Variants in HTT observed in about 807,000 individuals in gnomAD.
HTT encodes the protein huntingtin.
In HTT, 104 loss-of-function variants were observed where a neutral mutation model predicts 362.3. The ratio of observed to expected loss-of-function variants is 0.29; its 90% confidence interval spans 0.24 to 0.34. The LOEUF (loss-of-function observed/expected upper bound fraction) is 0.34. Among genes scored for constraint, HTT ranks in the 10% least tolerant of loss-of-function variants. HTT has a pLI of 1.00. For synonymous variants in HTT, 1,577 were observed against 1,548.7 expected (o/e 1.02, Z -0.43); for missense variants, 3,301 against 3,928.6 (o/e 0.84, Z 4.27).
At chr4:3,081,833 A>G (rs1171871979) in intron 1 of HTT, among the ~76,000 whole-genome samples, 1 of 150,972 alleles carries the variant, frequency 6.6e-6, no homozygotes, top group Non-Finnish European at 1.5e-5. Context: ...CTGGGATTAC[A>G]GGGTGTGAGC....
Position 3,207,002 on chromosome 4 carries a change from C to G in HTT, c.6075+19C>G, listed in dbSNP as rs1719887880. On this transcript the variant is annotated intron_variant, in intron 44 of 66. Transcript: ENST00000355072. ...TTTACAGGTATTGGGAAGAGAAACCCTGATATTGATTTATATTGAAAATTT... is the reference window on the plus strand; with the variant it reads ...TTTACAGGTATTGGGAAGAGAAACCGTGATATTGATTTATATTGAAAATTT... 2 of 1,589,782 alleles carry G rather than the reference C, an allele frequency of 1.3e-6. No homozygotes were observed. The highest frequency in any genetic ancestry group is 1.7e-6 in the Non-Finnish European group (2 of 1,168,754).
chr4:3,091,270 G>T (rs1713493305), intron 2 of HTT, among the ~76,000 whole-genome samples: 1 of 152,280 alleles, frequency 6.6e-6, no homozygotes, highest in South Asian at 2.1e-4. Context: ...TAACATATAT[G>T]TATTAGGGAA....
intron 6 of HTT, among the ~76,000 whole-genome samples, chr4:3,113,523 T>A (rs1264131213): frequency 6.6e-6 from 1 of 152,092 alleles, no homozygotes; most frequent in Non-Finnish European, 1.5e-5. Context: ...AGAGACGGGG[T>A]TTCACCATGT....
intron 46 of HTT, 149 bp downstream of exon 46, chr4:3,209,060 G>A (rs1720009659): frequency 3.4e-6 from 3 of 871,196 alleles, no homozygotes; most frequent in Non-Finnish European, 5.1e-6. Context: ...TAGAGACGTG[G>A]GGGGCCATCA....
intron 27 of HTT, 120 bp downstream of exon 27, chr4:3,154,539 G>A: frequency 7.5e-7 from 1 of 1,331,458 alleles, no homozygotes; most frequent in Non-Finnish European, 1.0e-6. Context: ...TAAAGTGAGA[G>A]AAAGTTTCTC....
chr4:3,188,617 T>G (rs1448429548), intron 39 of HTT: 2 of 202,268 alleles, frequency 9.9e-6, no homozygotes, highest in African/African-American at 4.7e-5. Context: ...AGGCAGCCCA[T>G]GGCTTTCCCT....
At chr4:3,135,371 A>G (rs1716014150) in intron 19 of HTT, among the ~76,000 whole-genome samples, 1 of 149,392 alleles carries the variant, frequency 6.7e-6, no homozygotes, top group Admixed American at 6.7e-5. Context: ...ATTTTCTAAG[A>G]GTAGTTTTGG....
chr4:3,176,128 C>T (rs949389578), intron 33 of HTT, among the ~76,000 whole-genome samples: 9 of 150,600 alleles, frequency 6.0e-5, no homozygotes, highest in African/African-American at 1.5e-4. Context: ...CAGAGGTTCA[C>T]GCCATTCTCC....
intron 2 of HTT, among the ~76,000 whole-genome samples, chr4:3,098,358 A>G (rs568095467): frequency 2.6e-4 from 39 of 152,356 alleles, no homozygotes; most frequent in African/African-American, 8.9e-4. Flanking sequence ...ACCTAGAGAT[A>G]AAGAGAAAGA....
intron 61 of HTT, 67 bp from the exon 62 acceptor site, chr4:3,235,217 C>T (rs1721465690): frequency 4.5e-6 from 5 of 1,122,326 alleles, no homozygotes; most frequent in Non-Finnish European, 6.7e-6. Context: ...TGGGGCCGGA[C>T]ATGCTGTGAA....
chr4:3,238,107 C>T (rs919571673), intron 64 of HTT, among the ~76,000 whole-genome samples: 1 of 149,978 alleles, frequency 6.7e-6, no homozygotes, highest in African/African-American at 2.5e-5. Context: ...GTTCTGGTCC[C>T]TACAGGGCGT....
At chr4:3,144,843 G>A (rs184355714) in intron 23 of HTT, among the ~76,000 whole-genome samples, 1 of 152,190 alleles carries the variant, frequency 6.6e-6, no homozygotes, top group Non-Finnish European at 1.5e-5. Flanking sequence ...GAGACGATGT[G>A]GTAAGCTGGA....
chr4:3,212,375 G>C (rs1466813591), intron 48 of HTT, among the ~76,000 whole-genome samples, 189 bp from the exon 49 acceptor site: 1 of 152,226 alleles, frequency 6.6e-6, no homozygotes, highest in Non-Finnish European at 1.5e-5. Flanking sequence ...CTTGAGGAAG[G>C]CTGGGCCAGA....
At position 3,088,413 on chromosome 4, in the gene HTT, A is replaced by ATCTG. The variant is rs1244557416; in HGVS notation, c.347+1391_347+1392insTCTG. Among the ~76,000 whole-genome samples the ATCTG allele has an allele frequency of 6.7e-5, 10 of 150,008 alleles. No homozygotes were observed. In the East Asian group the frequency reaches 7.9e-4, roughly 12 times the overall value. On this transcript the variant is annotated intron_variant, in intron 2 of 66. Coordinates refer to ENST00000355072, the MANE Select transcript of HTT (RefSeq NM_001388492.1). ...GTGGTCTTGATCTCCTGACCTCATGACCCGCTCAACTCAGCCTCCCAAAGT... is the reference window on the plus strand; with the variant it reads ...GTGGTCTTGATCTCCTGACCTCATGATCTGCCCGCTCAACTCAGCCTCCCAAAGT...
intron 61 of HTT, among the ~76,000 whole-genome samples, chr4:3,234,905 T>C (rs2530596): frequency 0.33 from 50,624 of 152,020 alleles, 10,074 homozygotes; most frequent in East Asian, 0.44. Flanking sequence ...CATGATGGCA[T>C]GTGCCATGAA....
rs766044205 is a variant in HTT, at chr4:3,178,286, T to G, written c.4464-12T>G. On this transcript the variant is annotated splice_polypyrimidine_tract_variant and intron_variant, in intron 34 of 66. Coordinates refer to ENST00000355072, the MANE Select transcript of HTT (RefSeq NM_001388492.1). ...TTAAAAGAAAGGTCTAAATGGATGT[T>G]TTTGTTTTTAGGGAATCAGAGGCAA... 1 of 1,586,546 alleles carries G rather than the reference T, an allele frequency of 6.3e-7. No individual in the cohort carries two copies.
chr4:3,169,396 C>T (rs923446371), intron 29 of HTT, among the ~76,000 whole-genome samples: 2 of 152,116 alleles, frequency 1.3e-5, no homozygotes, highest in African/African-American at 4.8e-5. Context: ...CTGTGATTTC[C>T]TGAATGATTG....
In HTT at chr4:3,240,120, C is replaced by A. The variant is rs1480124049; in HGVS notation, c.*61C>A. Reference sequence around the variant, plus strand: ...GGGCCGGAGCCTTTGGAAGTCTGCGCCCTTGTGCCCTGCCTCCACCGAGCC... The same window carrying A: ...GGGCCGGAGCCTTTGGAAGTCTGCGACCTTGTGCCCTGCCTCCACCGAGCC... On this transcript the variant is annotated 3_prime_UTR_variant, in exon 67 of 67. Transcript: ENST00000355072. 2.2e-6 allele frequency: 3 copies of A among 1,394,392 alleles called. No individual in the cohort carries two copies. Among genetic ancestry groups the A allele is most frequent in the African/African-American group, 2.9e-5 (2 of 70,044 alleles). The allele number at this position is 1,394,392 out of a possible 1,614,324, so 86.4% of individuals were successfully genotyped here.
In HTT at chr4:3,218,758, C is replaced by G. The variant is rs1720536379; in HGVS notation, c.7242+806C>G. Among the ~76,000 whole-genome samples, 1 of 152,186 alleles carries G rather than the reference C, an allele frequency of 6.6e-6. No individual in the cohort carries two copies. Among genetic ancestry groups the G allele is most frequent in the South Asian group, 2.1e-4 (1 of 4,830 alleles). On this transcript the variant is annotated intron_variant, in intron 52 of 66. Coordinates refer to ENST00000355072, the MANE Select transcript of HTT (RefSeq NM_001388492.1). The surrounding 1 kb of genome is among the most constrained non-coding windows in gnomAD (Gnocchi z 4.4). Reference sequence around the variant, plus strand: ...TCTGCCCAGTGAAATGGCATCATCTCCCACCAGCCCGCTGAAATAAGATGA... The same window carrying G: ...TCTGCCCAGTGAAATGGCATCATCTGCCACCAGCCCGCTGAAATAAGATGA...
Sources: gnomAD v4.1 joint callset for allele counts (sites outside exome capture counted in the v4.1 genomes callset) on GRCh38, gnomAD v4.1.1 for gene constraint, Gnocchi (gnomAD v3.1) non-coding constraint, MANE v1.5 for transcripts, NCBI Gene and HGNC (gene_info 2026-07-23, HGNC 2026-07-21) for gene names.